Variants in TRANK1 observed in about 807,000 individuals in gnomAD.
TRANK1 encodes the protein tetratricopeptide repeat and ankyrin repeat containing 1, also known as TPR and ankyrin repeat-containing protein 1.
In TRANK1, 198 loss-of-function variants were observed where a neutral mutation model predicts 266.0. The observed-to-expected ratio is 0.74, with a 90% CI of 0.66 to 0.84. TRANK1 has a LOEUF of 0.84. Ranked by LOEUF, TRANK1 falls within the 40% of genes least tolerant of loss-of-function variation. The probability of loss-of-function intolerance (pLI) is 0.00; values close to 1 mark genes in which losing one functional copy is unlikely to be tolerated. For missense variants in TRANK1, 3,326 were observed against 3,634.6 expected (o/e 0.92, Z 2.18); for synonymous variants, 1,396 against 1,384.1 (o/e 1.01, Z -0.19).
At chr3:36,943,109 T>C (rs1471976028) in intron 1 of TRANK1, among the ~76,000 whole-genome samples, 1 of 151,106 alleles carries the variant, frequency 6.6e-6, no homozygotes, top group Admixed American at 6.6e-5. Context: ...GGAGAATCGC[T>C]TGAACCCAGG....
chr3:36,875,653 G>A (rs1197215861), intron 8 of TRANK1, among the ~76,000 whole-genome samples: 2 of 152,142 alleles, frequency 1.3e-5, no homozygotes, highest in Non-Finnish European at 2.9e-5. Flanking sequence ...GCCCCAAAGG[G>A]GGTAAAAACT....
Position 36,889,866 on chromosome 3 carries a change from G to A in TRANK1, c.870C>T (p.His290=), listed in dbSNP as rs555274842. 3.3e-6 allele frequency: 5 copies of A among 1,537,262 alleles called. No individual in the cohort carries two copies. Among genetic ancestry groups the A allele is most frequent in the East Asian group, 4.9e-5 (2 of 40,918 alleles). Residue 290 remains histidine (H), a synonymous_variant, in exon 8 of 24, where the codon CAC becomes CAT. Transcript: ENST00000645898. ...QKDGDGCTVL[H]VVAAHSPGYL... is the part of the protein sequence containing the mutation. ...ATCCTGGGGAGTGGGCAGCGACGAC[G>A]TGCAGGACAGTGCAGCCATCCCCAT...
intron 3 of TRANK1, among the ~76,000 whole-genome samples, chr3:36,899,966 C>A (rs2079851187): frequency 6.6e-6 from 1 of 152,204 alleles, no homozygotes; most frequent in Non-Finnish European, 1.5e-5. Context: ...CTCAAACTAA[C>A]CTCTCATCAT....
Position 36,856,414 on chromosome 3 carries a change from T to G in TRANK1, c.3308A>C (p.Gln1103Pro), listed in dbSNP as rs748218152. ...KFHVYWEKAE[Q>P]AGSPLLAKQV... is the part of the protein sequence containing the mutation. ...TTTGGCCAGCAATGGGCTTCCTGCC[T>G]GCTCAGCTTTTTCCCAGTAAACGTG... The change falls in exon 13 of 24, where the codon CAG becomes CCG. Residue 1103 changes from glutamine (Q) to proline (P), a missense_variant. By Grantham distance (76) the Gln-to-Pro change is moderately conservative. Coordinates refer to ENST00000645898, the MANE Select transcript of TRANK1 (RefSeq NM_001329998.2). 3 of 1,612,680 alleles carry G rather than the reference T, an allele frequency of 1.9e-6. No homozygotes were observed. In the East Asian group the frequency reaches 6.7e-5, roughly 36 times the overall value.
At chr3:36,873,188 A>G (rs1338056869) in intron 9 of TRANK1, among the ~76,000 whole-genome samples, 1 of 152,218 alleles carries the variant, frequency 6.6e-6, no homozygotes, top group Non-Finnish European at 1.5e-5. Flanking sequence ...TTGAAGAAAT[A>G]CAATGCCTAT....
intron 1 of TRANK1, among the ~76,000 whole-genome samples, chr3:36,944,261 T>G (rs1559485744): frequency 6.6e-6 from 1 of 152,124 alleles, no homozygotes; most frequent in Non-Finnish European, 1.5e-5. Flanking sequence ...CCAGCAGCCC[T>G]CAATCGGGCG....
intron 1 of TRANK1, among the ~76,000 whole-genome samples, chr3:36,943,127 G>C (rs1438796383): frequency 6.6e-6 from 1 of 151,930 alleles, no homozygotes; most frequent in African/African-American, 2.4e-5. Context: ...AGGAGGCGGA[G>C]GCTGCAGTGA....
At position 36,857,522 on chromosome 3, in the gene TRANK1, G is replaced by C; in HGVS notation, c.2200C>G (p.Gln734Glu). 1 of 1,613,992 alleles carries C rather than the reference G, an allele frequency of 6.2e-7. No homozygotes were observed. The highest frequency in any genetic ancestry group is 1.3e-5 in the African/African-American group (1 of 75,050). Reference sequence around the variant, plus strand: ...TGCTGAATCAAAACTGTGATGTCCTGCATAAGGCAGTCTCTCAGCGAGCAG... The same window carrying C: ...TGCTGAATCAAAACTGTGATGTCCTCCATAAGGCAGTCTCTCAGCGAGCAG... ...RPCSLRDCLM[Q>E]DITVLIQQVE... The change falls in exon 13 of 24, where the codon CAG (glutamine) becomes GAG (glutamate). Residue 734 changes from glutamine (Q) to glutamate (E), a missense_variant. Coordinates refer to ENST00000645898, the MANE Select transcript of TRANK1 (RefSeq NM_001329998.2). The surrounding 1 kb of genome is among the most constrained non-coding windows in gnomAD (Gnocchi z 4.3).
chr3:36,906,813 A>G (rs2079975442), intron 2 of TRANK1, among the ~76,000 whole-genome samples: 1 of 152,228 alleles, frequency 6.6e-6, no homozygotes, highest in Non-Finnish European at 1.5e-5. Context: ...TAGCCCCATT[A>G]GACTCATTTA....
intron 6 of TRANK1, 129 bp from the exon 7 acceptor site, chr3:36,892,469 A>G: frequency 8.5e-7 from 1 of 1,170,232 alleles, no homozygotes; most frequent in Non-Finnish European, 1.2e-6. Flanking sequence ...TAGGATTATT[A>G]TAAATAACAA....
At chr3:36,886,904 A>ATTTTT (rs11445289) in intron 8 of TRANK1, among the ~76,000 whole-genome samples, 12 of 117,634 alleles carry the variant, frequency 1.0e-4, no homozygotes, top group African/African-American at 3.6e-4. Flanking sequence ...TTTTTGTTGG[A>ATTTTT]TTTTTTTTTT....
rs749956156 is a variant in TRANK1, at chr3:36,856,496, C to G, written c.3226G>C (p.Gly1076Arg). The G allele has an allele frequency of 1.1e-5, 18 of 1,613,986 alleles. No individual in the cohort carries two copies. Among genetic ancestry groups the G allele is most frequent in the Non-Finnish European group, 1.4e-5 (17 of 1,179,894 alleles). ...GTTGTCTTCCCAGTGCCACTTCGCC[C>G]AATAAGGATGATGGGCTCCAGTGGC... ...PRPLEPIILI[G>R]RSGTGKTTCC... is the part of the protein sequence containing the mutation. Residue 1076 changes from glycine to arginine, a missense_variant, in exon 13 of 24, where the codon GGG (glycine) becomes CGG (arginine). Physicochemically the swap from Gly to Arg is moderately radical, Grantham distance 125. Transcript: ENST00000645898.
intron 9 of TRANK1, among the ~76,000 whole-genome samples, chr3:36,865,025 T>TTG (rs199665603): frequency 3.3e-5 from 2 of 60,142 alleles, no homozygotes; most frequent in East Asian, 1.4e-3. Context: ...GTTTTTTTGG[T>TTG]TTTTTTTTTT....
At position 36,851,700 on chromosome 3, in the gene TRANK1, A is replaced by C. The variant is rs1207712512; in HGVS notation, c.4887+19T>G. Reference sequence around the variant, plus strand: ...ATACATAAATATTCATTGTGTGAAAAGAATTAGGTGTGACATACCTCAGAA... The same window carrying C: ...ATACATAAATATTCATTGTGTGAAACGAATTAGGTGTGACATACCTCAGAA... On this transcript the variant is annotated intron_variant, in intron 15 of 23. Transcript: ENST00000645898. 6.3e-7 allele frequency: 1 copy of C among 1,596,536 alleles called. No individual in the cohort carries two copies. The highest frequency in any genetic ancestry group is 1.1e-5 in the South Asian group (1 of 87,480).
chr3:36,875,107 C>A (rs1175877315), intron 8 of TRANK1, among the ~76,000 whole-genome samples: 2 of 151,988 alleles, frequency 1.3e-5, no homozygotes, highest in Admixed American at 6.5e-5. Context: ...ACCTGCTGTG[C>A]ATCCACACTT....
chr3:36,917,835 CA>C (rs1039403344), intron 1 of TRANK1, among the ~76,000 whole-genome samples: 4 of 150,896 alleles, frequency 2.7e-5, no homozygotes, highest in South Asian at 2.1e-4. Context: ...ACATACAATA[CA>C]AAAAAAAGGA....
chr3:36,858,152 G>A, intron 12 of TRANK1, 103 bp from the exon 13 acceptor site: 7 of 978,524 alleles, frequency 7.2e-6, no homozygotes, highest in Non-Finnish European at 1.0e-5. Context: ...ATCTCAGAAT[G>A]CTGAACTCCC....
chr3:36,866,083 A>G (rs955116210), intron 9 of TRANK1, among the ~76,000 whole-genome samples: 1 of 151,552 alleles, frequency 6.6e-6, no homozygotes, highest in African/African-American at 2.4e-5. Flanking sequence ...AAAGAAAGAA[A>G]GAAAGAAAGA....
At chr3:36,858,638 A>G in intron 12 of TRANK1, 80 bp downstream of exon 12, 5 of 1,385,764 alleles carry the variant, frequency 3.6e-6, no homozygotes, top group Non-Finnish European at 4.7e-6. Context: ...ACACAAAAGG[A>G]AAGACCAGAA....
Sources: gnomAD v4.1 joint callset for allele counts (sites outside exome capture counted in the v4.1 genomes callset) on GRCh38, gnomAD v4.1.1 for gene constraint, Gnocchi (gnomAD v3.1) non-coding constraint, MANE v1.5 for transcripts, NCBI Gene and HGNC (gene_info 2026-07-23, HGNC 2026-07-21) for gene names.